The following NSF variants were observed in gnomAD, a reference collection of about 807,000 sequenced individuals.
NSF encodes vesicle-fusing ATPase.
NSF carries 14 observed loss-of-function variants against 50.3 expected under a neutral mutation model. That is an observed-to-expected ratio of 0.28 (90% CI 0.18 to 0.44). The LOEUF (loss-of-function observed/expected upper bound fraction) is 0.44, where lower values mean the gene tolerates loss of function less well. NSF is among the 20% of genes least tolerant of loss of function. The probability of loss-of-function intolerance (pLI) is 1.00; values close to 1 mark genes in which losing one functional copy is unlikely to be tolerated. For missense variants in NSF, 218 were observed against 504.3 expected (o/e 0.43, Z 5.44); for synonymous variants, 109 against 175.7 (o/e 0.62, Z 3.00).
At chr17:46,752,284 C>G (rs1415763991) in intron 19 of NSF, among the ~76,000 whole-genome samples, 1 of 152,068 alleles carries the variant, frequency 6.6e-6, no homozygotes, top group Non-Finnish European at 1.5e-5. Flanking sequence ...TTTTAGAACT[C>G]CACCCTTCCA....
chr17:46,714,748 A>AT (rs2058751956), intron 15 of NSF, among the ~76,000 whole-genome samples: 1 of 152,170 alleles, frequency 6.6e-6, no homozygotes, highest in African/African-American at 2.4e-5. Context: ...TCAAGAAATT[A>AT]TTTTTTGTAT....
At chr17:46,690,580 C>A (rs1490446963) in intron 9 of NSF, among the ~76,000 whole-genome samples, 1 of 99,438 alleles carries the variant, frequency 1.0e-5, no homozygotes, top group African/African-American at 4.1e-5. Context: ...CCACTGCACT[C>A]CAGCCTGGGC....
Position 46,659,756 on chromosome 17 carries a change from G to T in NSF, c.746-14658G>T, listed in dbSNP as rs372508943. Among the ~76,000 whole-genome samples the T allele has an allele frequency of 3.3e-3, 481 of 145,742 alleles. 19 individuals are homozygous for T. The highest frequency in any genetic ancestry group is 4.8e-3 in the Non-Finnish European group (322 of 67,772). On this transcript the variant is annotated intron_variant, in intron 8 of 20. Coordinates refer to ENST00000398238, the MANE Select transcript of NSF (RefSeq NM_006178.4). ...GCCTTGCTAAAAACTCTAACAAGAG[G>T]ACATTTATCAAAGAATCATTTTACT...
At chr17:46,740,104 T>A (rs1306202016) in intron 17 of NSF, among the ~76,000 whole-genome samples, 1 of 152,234 alleles carries the variant, frequency 6.6e-6, no homozygotes, top group African/African-American at 2.4e-5. Flanking sequence ...TACTTGAACC[T>A]CACATTGTTT....
At chr17:46,736,167 A>G (rs1598728836) in intron 17 of NSF, among the ~76,000 whole-genome samples, 2 of 152,172 alleles carry the variant, frequency 1.3e-5, no homozygotes, top group East Asian at 1.9e-4. Flanking sequence ...AGCTTCCTAC[A>G]TCCTAAGACA....
At chr17:46,723,858 G>A (rs908431764) in intron 15 of NSF, among the ~76,000 whole-genome samples, 1 of 152,124 alleles carries the variant, frequency 6.6e-6, no homozygotes, top group African/African-American at 2.4e-5. Context: ...TATACAATCA[G>A]GAAAATGTTT....
At chr17:46,592,922 AC>A (rs900489274) in intron 1 of NSF, among the ~76,000 whole-genome samples, 7 of 139,922 alleles carry the variant, frequency 5.0e-5, no homozygotes, top group Non-Finnish European at 9.4e-5. Flanking sequence ...AGGGTGGGTA[AC>A]CCTTTATGTC....
At chr17:46,661,377 T>TA (rs1180499906) in intron 8 of NSF, among the ~76,000 whole-genome samples, 9 of 119,188 alleles carry the variant, frequency 7.6e-5, no homozygotes, top group African/African-American at 2.7e-4. Context: ...CTACATTTCT[T>TA]TTTATTATTA....
At chr17:46,729,072 G>A (rs892063404) in intron 17 of NSF, 138 bp downstream of exon 17, 2 of 562,130 alleles carry the variant, frequency 3.6e-6, no homozygotes, top group African/African-American at 3.9e-5. Context: ...AGGTCGTCCA[G>A]TCTTGACTTC....
At chr17:46,667,441 C>T (rs1227057995) in intron 8 of NSF, among the ~76,000 whole-genome samples, 5 of 149,024 alleles carry the variant, frequency 3.4e-5, no homozygotes, top group African/African-American at 9.9e-5. Context: ...TGGTGATAGA[C>T]GATGTCAGGT....
chr17:46,746,104 A>G (rs1189727465), intron 17 of NSF, among the ~76,000 whole-genome samples: 1 of 152,154 alleles, frequency 6.6e-6, no homozygotes, highest in Non-Finnish European at 1.5e-5. Context: ...TACTATAATT[A>G]TCTATTTTGC....
intron 19 of NSF, among the ~76,000 whole-genome samples, chr17:46,754,500 T>A (rs1301008798): frequency 2.0e-5 from 3 of 152,108 alleles, no homozygotes; most frequent in African/African-American, 7.2e-5. Flanking sequence ...TAGGTGTGTT[T>A]CTTACAATAA....
intron 15 of NSF, among the ~76,000 whole-genome samples, chr17:46,724,724 A>C (rs2058869120): frequency 6.6e-6 from 1 of 152,216 alleles, no homozygotes; most frequent in Non-Finnish European, 1.5e-5. Context: ...TATCCTCTGC[A>C]GTGCCTTCAT....
intron 12 of NSF, among the ~76,000 whole-genome samples, chr17:46,699,402 GACACACAC>G (rs4061825): frequency 4.7e-5 from 7 of 148,316 alleles, no homozygotes; most frequent in Admixed American, 4.7e-4. Context: ...ATAAACTGAG[GACACACAC>G]ACACACACAC....
chr17:46,721,871 C>A lies in NSF; in HGVS notation c.1762-4678C>A, dbSNP rs879218432. 2.4e-5 allele frequency: 38 copies of A among 1,585,484 alleles called. 2 individuals carry two copies. In the South Asian group the frequency reaches 4.0e-4, roughly 17 times the overall value. On this transcript the variant is annotated intron_variant, in intron 15 of 20. Transcript: ENST00000398238. Reference sequence around the variant, plus strand: ...TTTTCGAGTTGGCTTAGGCAGAATTCTCCTCTGAGCGATAAAGACGACATG... The same window carrying A: ...TTTTCGAGTTGGCTTAGGCAGAATTATCCTCTGAGCGATAAAGACGACATG...
chr17:46,719,114 A>G lies in NSF; in HGVS notation c.1761+5128A>G, dbSNP rs1346928459. ...TATTAAAATATTTTTTGCCAGTTGGATAAGCAGAAGGTTGGCATTTAGTTA... is the reference window on the plus strand; with the variant it reads ...TATTAAAATATTTTTTGCCAGTTGGGTAAGCAGAAGGTTGGCATTTAGTTA... On this transcript the variant is annotated intron_variant, in intron 15 of 20. Coordinates refer to ENST00000398238, the MANE Select transcript of NSF (RefSeq NM_006178.4). This position sits in a 1 kb window ranked among gnomAD's most constrained non-coding sequence, Gnocchi z 4.3. Among the ~76,000 whole-genome samples the G allele has an allele frequency of 6.6e-6, 1 of 152,220 alleles. No homozygotes were observed. The highest frequency in any genetic ancestry group is 1.5e-5 in the Non-Finnish European group (1 of 68,030).
chr17:46,751,764 C>G, intron 19 of NSF, 148 bp downstream of exon 19: 1 of 527,810 alleles, frequency 1.9e-6, no homozygotes, highest in Non-Finnish European at 3.4e-6. Context: ...TATTAGTAGC[C>G]TGCTTCTGAG....
intron 17 of NSF, among the ~76,000 whole-genome samples, chr17:46,735,521 C>T (rs2058993593): frequency 6.6e-6 from 1 of 151,646 alleles, no homozygotes; most frequent in African/African-American, 2.4e-5. Flanking sequence ...GGCATTATAG[C>T]CTTGAACGTC....
chr17:46,719,578 A>G lies in NSF; in HGVS notation c.1761+5592A>G, dbSNP rs1407805535. On this transcript the variant is annotated intron_variant, in intron 15 of 20. Coordinates refer to ENST00000398238, the MANE Select transcript of NSF (RefSeq NM_006178.4). This position sits in a 1 kb window ranked among gnomAD's most constrained non-coding sequence, Gnocchi z 4.3. ...GTCCTCACGTTCTGGGGGGTATACC[A>G]TATGTTCCATTAAGATGTTTGAAGT... 1.3e-5 allele frequency among the ~76,000 whole-genome samples: 2 copies of G among 152,178 alleles called. No individual in the cohort carries two copies. Among genetic ancestry groups the G allele is most frequent in the Admixed American group, 6.5e-5 (1 of 15,268 alleles).
Sources: allele counts gnomAD v4.1 joint callset (sites outside exome capture counted in the v4.1 genomes callset), GRCh38; gene constraint gnomAD v4.1.1; non-coding constraint Gnocchi (gnomAD v3.1); transcripts MANE v1.5; gene names NCBI Gene and HGNC (gene_info 2026-07-23, HGNC 2026-07-21).